Variants in CDH18 observed in about 807,000 individuals in gnomAD.
The protein encoded by CDH18 is cadherin-18.
Under a neutral mutation model 67.9 loss-of-function variants are expected in CDH18, and 31 were observed. That is an observed-to-expected ratio of 0.46 (90% CI 0.34 to 0.62). The LOEUF (loss-of-function observed/expected upper bound fraction) is 0.62, where lower values mean the gene tolerates loss of function less well. CDH18 is among the 20% of genes least tolerant of loss of function. CDH18 has a pLI of 0.01. For missense variants in CDH18, 890 were observed against 975.5 expected (o/e 0.91, Z 1.17); for synonymous variants, 362 against 347.2 (o/e 1.04, Z -0.48).
At chr5:20,554,500 A>G (rs1278516394) in intron 1 of CDH18, among the ~76,000 whole-genome samples, 2 of 152,160 alleles carry the variant, frequency 1.3e-5, no homozygotes, top group East Asian at 3.9e-4. Flanking sequence ...CAACTTTGTA[A>G]TGCTTCTCAC....
intron 4 of CDH18, among the ~76,000 whole-genome samples, chr5:19,737,051 T>C (rs1009449367): frequency 7.2e-5 from 11 of 152,312 alleles, no homozygotes; most frequent in East Asian, 1.9e-4. Context: ...AGAAGTCTGG[T>C]AGAAAGCAGT....
At chr5:19,951,801 G>C (rs1795817997) in intron 2 of CDH18, among the ~76,000 whole-genome samples, 1 of 151,952 alleles carries the variant, frequency 6.6e-6, no homozygotes, top group Admixed American at 6.6e-5. Flanking sequence ...ATTCTATTTT[G>C]CTTTTGTCTT....
intron 2 of CDH18, among the ~76,000 whole-genome samples, chr5:20,157,894 C>T: frequency 6.6e-6 from 1 of 152,066 alleles, no homozygotes; most frequent in Admixed American, 6.6e-5. Flanking sequence ...CCCTCCTTGG[C>T]CTCCCAAAGT....
chr5:19,639,028 A>G (rs1182540009), intron 5 of CDH18, among the ~76,000 whole-genome samples: 2 of 95,704 alleles, frequency 2.1e-5, no homozygotes, highest in African/African-American at 8.9e-5. Flanking sequence ...TTTTTGAGAC[A>G]GTCTCACTCT....
rs1741075466 is a variant in CDH18 at position 20,350,469 on chromosome 5, C to T, written c.-579-94964G>A. Among the ~76,000 whole-genome samples, 5 of 152,036 alleles carry T rather than the reference C, an allele frequency of 3.3e-5. No homozygotes were observed. In the South Asian group the frequency reaches 1.0e-3, roughly 32 times the overall value. ...TAAATGTATTCCATTTTTGGATTAT[C>T]AATCTGACAAAATTATTACCTAAAA... On this transcript the variant is annotated intron_variant, in intron 1 of 14. Coordinates refer to the CDH18 transcript ENST00000507958.
chr5:20,098,719 C>A (rs192307508), intron 2 of CDH18, among the ~76,000 whole-genome samples: 10 of 151,814 alleles, frequency 6.6e-5, no homozygotes, highest in African/African-American at 2.4e-4. Flanking sequence ...AATAGAGAAA[C>A]CCTTGTTTAA....
intron 2 of CDH18, among the ~76,000 whole-genome samples, chr5:20,154,367 A>G (rs1161742438): frequency 1.3e-5 from 2 of 152,132 alleles, no homozygotes; most frequent in Non-Finnish European, 2.9e-5. Context: ...ATATAAGCCA[A>G]TATTTACTTT....
intron 5 of CDH18, among the ~76,000 whole-genome samples, chr5:19,653,492 C>G (rs1755874452): frequency 6.6e-6 from 1 of 152,054 alleles, no homozygotes; most frequent in Non-Finnish European, 1.5e-5. Context: ...TTCTGACATT[C>G]CCCACTAGTG....
intron 5 of CDH18, among the ~76,000 whole-genome samples, chr5:19,697,777 T>C (rs1580927867): frequency 6.6e-6 from 1 of 152,024 alleles, no homozygotes; most frequent in Non-Finnish European, 1.5e-5. Flanking sequence ...CCATTAAGAG[T>C]GGCCAATGAC....
intron 2 of CDH18, among the ~76,000 whole-genome samples, chr5:20,098,666 A>T (rs140112766): frequency 4.6e-5 from 7 of 152,196 alleles, no homozygotes; most frequent in Admixed American, 4.6e-4. Context: ...TTATTATTCC[A>T]ATCAGGAAAA....
intron 2 of CDH18, among the ~76,000 whole-genome samples, chr5:20,179,252 GC>G (rs986685737): frequency 2.0e-5 from 3 of 151,994 alleles, no homozygotes; most frequent in African/African-American, 7.2e-5. Context: ...CAATAATTTT[GC>G]AAGAAAAATT....
intron 2 of CDH18, among the ~76,000 whole-genome samples, chr5:19,922,501 T>C (rs1466939547): frequency 6.6e-5 from 10 of 152,204 alleles, no homozygotes; most frequent in Non-Finnish European, 1.2e-4. Flanking sequence ...CAGCTTAATA[T>C]TATATCTTTG....
chr5:20,268,703 G>A (rs1745222885), intron 1 of CDH18, among the ~76,000 whole-genome samples: 1 of 152,108 alleles, frequency 6.6e-6, no homozygotes, highest in South Asian at 2.1e-4. Context: ...AAGCCTGAGG[G>A]ACAGAGCAAG....
intron 2 of CDH18, among the ~76,000 whole-genome samples, chr5:19,930,478 G>C (rs1259484298): frequency 6.6e-6 from 1 of 152,060 alleles, no homozygotes; most frequent in African/African-American, 2.4e-5. Context: ...TTATGGAAGT[G>C]TGAAAAACAA....
intron 2 of CDH18, among the ~76,000 whole-genome samples, chr5:20,049,652 G>A (rs1741237366): frequency 6.6e-6 from 1 of 151,658 alleles, no homozygotes; most frequent in Non-Finnish European, 1.5e-5. Flanking sequence ...ATATTCTTTG[G>A]CTTCACGGTA....
At chr5:19,519,449 T>C (rs773248398) in intron 10 of CDH18, among the ~76,000 whole-genome samples, 7 of 152,154 alleles carry the variant, frequency 4.6e-5, no homozygotes, top group Non-Finnish European at 1.0e-4. Context: ...AAGACAATAA[T>C]AGAGTACTTT....
chr5:19,606,332 G>T (rs1561454260), intron 6 of CDH18, among the ~76,000 whole-genome samples: 1 of 151,816 alleles, frequency 6.6e-6, no homozygotes, highest in East Asian at 1.9e-4. Flanking sequence ...AACTAAGAAG[G>T]AAAAAATGTA....
At chr5:20,267,501 T>C (rs1368125573) in intron 1 of CDH18, among the ~76,000 whole-genome samples, 1 of 152,200 alleles carries the variant, frequency 6.6e-6, no homozygotes. Context: ...AGGGATTGTA[T>C]TGAATCTATA....
Position 20,232,988 on chromosome 5 carries a change from A to G in CDH18, c.-518+22456T>C, listed in dbSNP as rs1261688817. The stretch of plus-strand genomic sequence containing the variant: ...ATGAATATATGTCTTATAGGTTGCA[A>G]TAACAATAAAGAAGTTGAAACCTGA... On this transcript the variant is annotated intron_variant, in intron 2 of 14. Coordinates refer to the CDH18 transcript ENST00000507958. 5.3e-5 allele frequency among the ~76,000 whole-genome samples: 8 copies of G among 152,058 alleles called. 1 individual carries two copies. Among genetic ancestry groups the G allele is most frequent in the African/African-American group, 1.7e-4 (7 of 41,554 alleles).
Sources: allele counts gnomAD v4.1 joint callset (sites outside exome capture counted in the v4.1 genomes callset), GRCh38; gene constraint gnomAD v4.1.1; transcripts MANE v1.5; gene names NCBI Gene and HGNC (gene_info 2026-07-23, HGNC 2026-07-21).